PEX11A: variants seen among roughly 807,000 people sequenced by gnomAD.
The protein encoded by PEX11A is peroxisomal biogenesis factor 11 alpha, also known as peroxisomal membrane protein 11A.
A neutral mutation model predicts 14.4 loss-of-function variants in PEX11A; 13 were observed. The observed-to-expected ratio is 0.90, with a 90% CI of 0.59 to 1.43. The LOEUF (loss-of-function observed/expected upper bound fraction) is 1.43, where lower values mean the gene tolerates loss of function less well. Among genes scored for constraint, PEX11A ranks in the 40% most tolerant of loss-of-function variants. The pLI, the probability that PEX11A is intolerant of heterozygous loss-of-function variation, is 0.00. For synonymous variants in PEX11A, 101 were observed against 113.0 expected, an observed-to-expected ratio of 0.89 and a Z score of 0.67; for missense variants, 290 against 302.8, an observed-to-expected ratio of 0.96 and a Z score of 0.31.
At chr15:89,689,211 G>C (rs1452975442) in intron 1 of PEX11A, among the ~76,000 whole-genome samples, 1 of 134,686 alleles carries the variant, frequency 7.4e-6, no homozygotes, top group Non-Finnish European at 1.6e-5. Context: ...AGTCATTTGC[G>C]TGGATGTGAA....
In PEX11A at chr15:89,682,224, C is replaced by T. The variant is rs765889506; in HGVS notation, c.*1153G>A. On this transcript the variant is annotated 3_prime_UTR_variant, in exon 3 of 3. Transcript: ENST00000300056. The stretch of plus-strand genomic sequence containing the variant: ...AGACACAGGGTCTTGCTCTATCACC[C>T]GGGCTGGAGTGCGGTGGAAGCTCAC... 2 of 152,142 alleles carry T rather than the reference C, an allele frequency of 1.3e-5. No homozygotes were observed. The highest frequency in any genetic ancestry group is 2.9e-5 in the Non-Finnish European group (2 of 68,060). The allele number at this position is 152,142 out of a possible 1,614,324, so 9.4% of individuals were successfully genotyped here. A position where few individuals can be genotyped will look rare whatever the true frequency, so the allele number is the denominator to read the frequency against.
chr15:89,684,204 C>G (rs1425958611), intron 2 of PEX11A, among the ~76,000 whole-genome samples: 1 of 152,178 alleles, frequency 6.6e-6, no homozygotes, highest in African/African-American at 2.4e-5. Flanking sequence ...CCCAGCTTAG[C>G]ACTGGTCTTT....
At position 89,690,692 on chromosome 15, in the gene PEX11A, G is replaced by C. The variant is rs1964821987; in HGVS notation, c.-60C>G. 8.0e-7 allele frequency: 1 copy of C among 1,256,748 alleles called. No homozygotes were observed. Among genetic ancestry groups the C allele is most frequent in the Non-Finnish European group, 1.1e-6 (1 of 883,138 alleles). 77.8% of individuals were successfully genotyped at this position (1,256,748 alleles called of 1,614,324 possible). ...CTCAGGCGTGGGTCCTCTGGGGCCCGTCGGATCCCCAGGGAACGGTCAGTC... is the reference window on the plus strand; with the variant it reads ...CTCAGGCGTGGGTCCTCTGGGGCCCCTCGGATCCCCAGGGAACGGTCAGTC... On this transcript the variant is annotated 5_prime_UTR_variant, in exon 1 of 3. Transcript: ENST00000300056.
chr15:89,686,007 T>C (rs935679783), intron 2 of PEX11A, among the ~76,000 whole-genome samples: 1 of 152,224 alleles, frequency 6.6e-6, no homozygotes, highest in Non-Finnish European at 1.5e-5. Flanking sequence ...CAAAAATGTA[T>C]CCACCTATAT....
At position 89,682,716 on chromosome 15, in the gene PEX11A, C is replaced by T. The variant is rs1964616750; in HGVS notation, c.*661G>A. ...TCTGTCACAGGCTACATATAGGCAC[C>T]CATTGTGACCCTGTACCTATTTTTA... On this transcript the variant is annotated 3_prime_UTR_variant, in exon 3 of 3. Transcript: ENST00000300056. The T allele has an allele frequency of 6.6e-6, 1 of 152,230 alleles. No homozygotes were observed. 9.4% of individuals were successfully genotyped at this position (152,230 alleles called of 1,614,324 possible). A position where few individuals can be genotyped will look rare whatever the true frequency, so the allele number is the denominator to read the frequency against.
rs189905259 is a variant in PEX11A, at chr15:89,684,864, T to C, written c.173-916A>G. Among the ~76,000 whole-genome samples, 1,102 of 152,024 alleles carry C rather than the reference T, an allele frequency of 7.2e-3. 13 individuals carry two copies. Among genetic ancestry groups the C allele is most frequent in the African/African-American group, 0.026 (1,059 of 41,470 alleles). On this transcript the variant is annotated intron_variant, in intron 2 of 2. Transcript: ENST00000300056. ...AGGATCATACCTTAGACTCAGGAGG[T>C]GCTCAGAAGTAGCTACTCTCAGAAA...
At chr15:89,684,931 T>C (rs1201106733) in intron 2 of PEX11A, among the ~76,000 whole-genome samples, 1 of 152,184 alleles carries the variant, frequency 6.6e-6, no homozygotes, top group Non-Finnish European at 1.5e-5. Context: ...GGCTTACGCC[T>C]GTAATCCCAG....
intron 2 of PEX11A, among the ~76,000 whole-genome samples, chr15:89,685,046 A>C (rs1050323031): frequency 2.6e-5 from 4 of 151,884 alleles, no homozygotes; most frequent in African/African-American, 9.7e-5. Context: ...TAAAAAATAA[A>C]AACAAACATT....
At chr15:89,687,905 T>C (rs1341137666) in intron 1 of PEX11A, 3 of 474,902 alleles carry the variant, frequency 6.3e-6, no homozygotes, top group Admixed American at 2.6e-5. Context: ...GATTTTATTG[T>C]CTTCATAATA....
chr15:89,683,315 A>G lies in PEX11A; in HGVS notation c.*62T>C. ...ATGACATGGCCTGTGACTTATACAA[A>G]TGTCTGTCCCACCAAGAGGCCATCT... On this transcript the variant is annotated 3_prime_UTR_variant, in exon 3 of 3. Coordinates refer to ENST00000300056, the MANE Select transcript of PEX11A (RefSeq NM_003847.3). 1 of 1,117,350 alleles carries G rather than the reference A, an allele frequency of 8.9e-7. No homozygotes were observed. Among genetic ancestry groups the G allele is most frequent in the Non-Finnish European group, 1.3e-6 (1 of 763,264 alleles). 69.2% of individuals were successfully genotyped at this position (1,117,350 alleles called of 1,614,324 possible). A position where few individuals can be genotyped will look rare whatever the true frequency, so the allele number is the denominator to read the frequency against.
At position 89,683,030 on chromosome 15, in the gene PEX11A, T is replaced by G. The variant is rs1295269472; in HGVS notation, c.*347A>C. On this transcript the variant is annotated 3_prime_UTR_variant, in exon 3 of 3. Transcript: ENST00000300056. ...CCCTAAAGTTATTGTATACTGGTGTTCAATGATCAGTGCGATTGGGTCTTT... is the reference window on the plus strand; with the variant it reads ...CCCTAAAGTTATTGTATACTGGTGTGCAATGATCAGTGCGATTGGGTCTTT... The G allele has an allele frequency of 4.5e-6, 1 of 224,014 alleles. No homozygotes were observed. The highest frequency in any genetic ancestry group is 1.1e-4 in the East Asian group (1 of 9,174). 13.9% of individuals were successfully genotyped at this position (224,014 alleles called of 1,614,324 possible). A position where few individuals can be genotyped will look rare whatever the true frequency, so the allele number is the denominator to read the frequency against.
intron 2 of PEX11A, among the ~76,000 whole-genome samples, chr15:89,684,971 C>T (rs1964655560): frequency 6.6e-6 from 1 of 152,032 alleles, no homozygotes; most frequent in Admixed American, 6.6e-5. Flanking sequence ...GCACGGATCA[C>T]CTGAGGTTAG....
At chr15:89,687,439 A>G (rs1043422930) in intron 1 of PEX11A, among the ~76,000 whole-genome samples, 7 of 152,242 alleles carry the variant, frequency 4.6e-5, no homozygotes. Flanking sequence ...TTTTACATAA[A>G]ATACAGGCAG....
intron 1 of PEX11A, among the ~76,000 whole-genome samples, chr15:89,689,698 T>A (rs746937278): frequency 9.9e-5 from 15 of 152,110 alleles, no homozygotes; most frequent in Non-Finnish European, 2.2e-4. Flanking sequence ...CCACTGTATT[T>A]CCCCCCAATC....
At chr15:89,688,549 C>T (rs575326364) in intron 1 of PEX11A, among the ~76,000 whole-genome samples, 61 of 151,862 alleles carry the variant, frequency 4.0e-4, no homozygotes, top group Middle Eastern at 3.4e-3. Flanking sequence ...TGTGCCATCA[C>T]GCCCAGCTAA....
Position 89,684,019 on chromosome 15 carries a change from CA to C in PEX11A, c.173-72del, listed in dbSNP as rs564794996. The C allele has an allele frequency of 2.0e-4, 226 of 1,150,378 alleles. No homozygotes were observed. The African/African-American group carries it at 2.9e-3, about 15-fold the overall frequency. 71.3% of individuals were successfully genotyped at this position (1,150,378 alleles called of 1,614,324 possible). A position where few individuals can be genotyped will look rare whatever the true frequency, so the allele number is the denominator to read the frequency against. The stretch of plus-strand genomic sequence containing the variant: ...CAACAGGAAGATAGAATCCCTGTAT[CA>C]GGGTGAGGAGCCAGCTTTTTGTTGT... On this transcript the variant is annotated intron_variant, in intron 2 of 2. Coordinates refer to ENST00000300056, the MANE Select transcript of PEX11A (RefSeq NM_003847.3).
intron 1 of PEX11A, 82 bp downstream of exon 1, chr15:89,690,495 C>G (rs1241109706): frequency 9.6e-7 from 1 of 1,041,318 alleles, no homozygotes; most frequent in African/African-American, 1.6e-5. Flanking sequence ...GCTATCACCT[C>G]CTTTTTCCCG....
intron 1 of PEX11A, among the ~76,000 whole-genome samples, chr15:89,687,423 T>C (rs1199451627): frequency 6.6e-6 from 1 of 152,238 alleles, no homozygotes; most frequent in Non-Finnish European, 1.5e-5. Context: ...TCAAAACTTA[T>C]TCGTATTTTA....
intron 1 of PEX11A, 28 bp from the exon 2 acceptor site, chr15:89,686,574 G>A (rs771357385): frequency 1.0e-6 from 1 of 987,302 alleles, no homozygotes; most frequent in Non-Finnish European, 1.6e-6. Context: ...AAATTGAGAA[G>A]AATGATTTAC....
Sources: gnomAD v4.1 joint callset for allele counts (sites outside exome capture counted in the v4.1 genomes callset) on GRCh38, gnomAD v4.1.1 for gene constraint, MANE v1.5 for transcripts, NCBI Gene and HGNC (gene_info 2026-07-23, HGNC 2026-07-21) for gene names.